Variants in MEI4 observed in about 807,000 individuals in gnomAD.
The protein encoded by MEI4 is meiotic double-stranded break formation protein 4, also known as meiosis-specific protein MEI4.
MEI4 carries 27 observed loss-of-function variants against 31.4 expected under a neutral mutation model. That is an observed-to-expected ratio of 0.86 (90% CI 0.63 to 1.19). The LOEUF (loss-of-function observed/expected upper bound fraction) is 1.19, where lower values mean the gene tolerates loss of function less well. Among genes scored for constraint, MEI4 ranks in the 50% most tolerant of loss-of-function variants. The probability of loss-of-function intolerance (pLI) is 0.00; values close to 1 mark genes in which losing one functional copy is unlikely to be tolerated. For synonymous variants in MEI4, 122 were observed against 145.4 expected, an observed-to-expected ratio of 0.84 and a Z score of 1.16; for missense variants, 329 against 398.9, an observed-to-expected ratio of 0.82 and a Z score of 1.49.
At chr6:77,651,127 T>C (rs1768291214), upstream of MEI4, among the ~76,000 whole-genome samples, 1 of 152,132 alleles carries the variant, frequency 6.6e-6, no homozygotes, top group Non-Finnish European at 1.5e-5. Context: ...TAAAGTAGTG[T>C]GGGACATGGG....
intron 4 of MEI4, among the ~76,000 whole-genome samples, chr6:77,833,503 C>T (rs1770132497): frequency 6.6e-6 from 1 of 152,150 alleles, no homozygotes; most frequent in African/African-American, 2.4e-5. Context: ...TGAAAGCTCT[C>T]ATCAATATAT....
chr6:77,905,475 C>CTTTTTTTTTTTTTTTTTTTTTT (rs70974691), intron 4 of MEI4, among the ~76,000 whole-genome samples: 1 of 93,344 alleles, frequency 1.1e-5, no homozygotes, highest in Non-Finnish European at 2.1e-5. Flanking sequence ...AAATTTTCAG[C>CTTTTTTTTTTTTTTTTTTTTTT]TTTTTTTTTT....
At chr6:77,769,411 A>G (rs1223871529) in intron 3 of MEI4, among the ~76,000 whole-genome samples, 4 of 152,152 alleles carry the variant, frequency 2.6e-5, no homozygotes, top group Non-Finnish European at 4.4e-5. Context: ...CTAAATAAAC[A>G]TGAAAGGCAA....
chr6:77,890,273 C>A (rs1771727013), intron 4 of MEI4, among the ~76,000 whole-genome samples: 1 of 152,186 alleles, frequency 6.6e-6, no homozygotes, highest in Non-Finnish European at 1.5e-5. Context: ...GCCACAGGGG[C>A]AGAGCTGCCC....
At chr6:77,904,122 CCTT>C (rs1259274656) in intron 4 of MEI4, among the ~76,000 whole-genome samples, 12 of 151,912 alleles carry the variant, frequency 7.9e-5, no homozygotes, top group African/African-American at 2.4e-4. Flanking sequence ...ACATTTTTTT[CCTT>C]CTTCTCTTAC....
intron 2 of MEI4, among the ~76,000 whole-genome samples, chr6:77,739,486 A>G (rs1024296150): frequency 6.6e-6 from 1 of 152,148 alleles, no homozygotes; most frequent in African/African-American, 2.4e-5. Flanking sequence ...AAAACCAAGC[A>G]CTGCATGTTC....
chr6:77,683,009 C>T lies in MEI4; in HGVS notation c.-14-7649C>T, dbSNP rs182448536. On this transcript the variant is annotated intron_variant, in intron 1 of 4. Coordinates refer to ENST00000684080, the MANE Select transcript of MEI4 (RefSeq NM_001322247.2). ...CAATTCTGAAAGCCCTTTAAAATTTCGGTTGAAGTTATGTTTAATGTGCAA... is the reference window on the plus strand; with the variant it reads ...CAATTCTGAAAGCCCTTTAAAATTTTGGTTGAAGTTATGTTTAATGTGCAA... Among the ~76,000 whole-genome samples, 547 of 152,202 alleles carry T rather than the reference C, an allele frequency of 3.6e-3. 2 individuals carry two copies. Among genetic ancestry groups the T allele is most frequent in the Non-Finnish European group, 3.8e-3 (257 of 68,016 alleles).
chr6:77,709,134 A>C (rs1315558008), intron 2 of MEI4, among the ~76,000 whole-genome samples: 1 of 152,160 alleles, frequency 6.6e-6, no homozygotes, highest in Non-Finnish European at 1.5e-5. Flanking sequence ...TCATATTAGG[A>C]GAGAAATATT....
intron 3 of MEI4, among the ~76,000 whole-genome samples, chr6:77,770,185 C>CT (rs1236385054): frequency 6.6e-6 from 1 of 151,982 alleles, no homozygotes; most frequent in Non-Finnish European, 1.5e-5. Flanking sequence ...TTAGCAGCTA[C>CT]TTTGAACAAC....
At chr6:77,884,219 A>T (rs1223916055) in intron 4 of MEI4, among the ~76,000 whole-genome samples, 1 of 151,892 alleles carries the variant, frequency 6.6e-6, no homozygotes, top group Non-Finnish European at 1.5e-5. Context: ...TTTGGTGTTG[A>T]CTTCATGGAA....
chr6:77,747,675 A>G (rs1258292362), intron 2 of MEI4, among the ~76,000 whole-genome samples: 1 of 152,078 alleles, frequency 6.6e-6, no homozygotes, highest in Admixed American at 6.6e-5. Context: ...TTATTCCACC[A>G]CTGGTCCCTC....
chr6:77,702,533 A>G (rs897856760), intron 2 of MEI4, among the ~76,000 whole-genome samples: 22 of 152,314 alleles, frequency 1.4e-4, no homozygotes, highest in Middle Eastern at 3.4e-3. Context: ...TTCTTTCTGC[A>G]TATCTCTGGA....
At position 77,847,174 on chromosome 6, in the gene MEI4, A is replaced by C. The variant is rs201820434; in HGVS notation, c.900+18112A>C. Among the ~76,000 whole-genome samples, 1 of 152,180 alleles carries C rather than the reference A, an allele frequency of 6.6e-6. No homozygotes were observed. Among genetic ancestry groups the C allele is most frequent in the African/African-American group, 2.4e-5 (1 of 41,446 alleles). On this transcript the variant is annotated intron_variant, in intron 4 of 4. Transcript: ENST00000684080. This position sits in a 1 kb window ranked among gnomAD's most constrained non-coding sequence, Gnocchi z 4.6. ...AAAGATTCAGTGGTACTTTCTCTCA[A>C]TGTTCTGAAATGGTGTGTATGGAGC... is the stretch of plus-strand genomic sequence containing the variant.
intron 2 of MEI4, among the ~76,000 whole-genome samples, chr6:77,736,339 G>T (rs1767216496): frequency 6.6e-6 from 1 of 152,026 alleles, no homozygotes; most frequent in South Asian, 2.1e-4. Flanking sequence ...ATCTCCTGGT[G>T]CGCCGTTTTT....
Position 77,841,333 on chromosome 6 carries a change from A to AT in MEI4, c.900+12294dup, listed in dbSNP as rs1239589008. Among the ~76,000 whole-genome samples, 254 of 27,770 alleles carry AT rather than the reference A, an allele frequency of 9.1e-3. 9 individuals are homozygous for AT. The highest frequency in any genetic ancestry group is 0.024 in the South Asian group (20 of 848). 18.2% of individuals were successfully genotyped at this position (27,770 alleles called of 152,430 possible). A position where few individuals can be genotyped will look rare whatever the true frequency, so the allele number is the denominator to read the frequency against. On this transcript the variant is annotated intron_variant, in intron 4 of 4. Coordinates refer to ENST00000684080, the MANE Select transcript of MEI4 (RefSeq NM_001322247.2). ...TGTGTGCATATATATATATATATAT[A>AT]TTTTTTTTTTTTTTTTTTTTTTTGA...
chr6:77,658,133 G>T (rs972762960), intron 1 of MEI4, among the ~76,000 whole-genome samples: 7 of 152,218 alleles, frequency 4.6e-5, no homozygotes, highest in Non-Finnish European at 8.8e-5. Context: ...AGCGAAGGGT[G>T]GTGGATTATC....
chr6:77,869,012 C>T (rs892977980), intron 4 of MEI4, among the ~76,000 whole-genome samples: 1 of 151,996 alleles, frequency 6.6e-6, no homozygotes, highest in Non-Finnish European at 1.5e-5. Flanking sequence ...AGCTGGATGC[C>T]TAATGCAGAA....
chr6:77,911,246 G>A (rs1318856250), intron 4 of MEI4, among the ~76,000 whole-genome samples: 1 of 151,924 alleles, frequency 6.6e-6, no homozygotes, highest in African/African-American at 2.4e-5. Flanking sequence ...GGTTTCCTTT[G>A]CTATGCAGAA....
chr6:77,655,297 G>A (rs1429116563), intron 1 of MEI4, among the ~76,000 whole-genome samples: 1 of 152,098 alleles, frequency 6.6e-6, no homozygotes, highest in African/African-American at 2.4e-5. Flanking sequence ...TCTTTATCCA[G>A]TTTATCATTG....
Sources: allele counts gnomAD v4.1 joint callset (sites outside exome capture counted in the v4.1 genomes callset), GRCh38; gene constraint gnomAD v4.1.1; non-coding constraint Gnocchi (gnomAD v3.1); transcripts MANE v1.5; gene names NCBI Gene and HGNC (gene_info 2026-07-23, HGNC 2026-07-21).